Variants in NET1 observed in about 807,000 individuals in gnomAD.
The protein encoded by NET1 is neuroepithelial cell-transforming gene 1 protein.
Under a neutral mutation model 61.1 loss-of-function variants are expected in NET1, and 42 were observed. That is an observed-to-expected ratio of 0.69 (90% CI 0.54 to 0.89). The LOEUF (loss-of-function observed/expected upper bound fraction) is 0.89. NET1 is among the 40% of genes least tolerant of loss of function. The pLI is 0.00. For missense variants in NET1, 654 were observed against 747.3 expected (o/e 0.88, Z 1.46); for synonymous variants, 254 against 281.8 (o/e 0.90, Z 0.99).
At position 5,453,114 on chromosome 10, in the gene NET1, C is replaced by T; in HGVS notation, c.595-136C>T. On this transcript the variant is annotated intron_variant, in intron 6 of 11. Transcript: ENST00000355029. The surrounding 1 kb of genome is among the most constrained non-coding windows in gnomAD (Gnocchi z 4.9). ...AAGAGAGTTTATTTGGGGATTAATACATACTAATTTATTTTATGTGTAGCA... is the reference window on the plus strand; with the variant it reads ...AAGAGAGTTTATTTGGGGATTAATATATACTAATTTATTTTATGTGTAGCA... 2 of 734,354 alleles carry T rather than the reference C, an allele frequency of 2.7e-6. No homozygotes were observed. Among genetic ancestry groups the T allele is most frequent in the South Asian group, 1.7e-5 (1 of 60,276 alleles). The allele number at this position is 734,354 out of a possible 1,614,324, so 45.5% of individuals were successfully genotyped here.
intron 1 of NET1, among the ~76,000 whole-genome samples, chr10:5,414,271 T>G (rs1218889252): frequency 6.6e-6 from 1 of 152,174 alleles, no homozygotes; most frequent in Non-Finnish European, 1.5e-5. Flanking sequence ...TTGACAGAGT[T>G]TGGGTTTTAT....
intron 2 of NET1, among the ~76,000 whole-genome samples, chr10:5,428,038 CT>C (rs57698527): frequency 7.9e-5 from 9 of 113,874 alleles, no homozygotes; most frequent in African/African-American, 2.4e-4. Context: ...TTTGCCGTTC[CT>C]TTTTTTTTTT....
rs760555426 is a variant in NET1, at chr10:5,426,724, G to A, written c.195+3G>A. 2 of 1,598,208 alleles carry A rather than the reference G, an allele frequency of 1.3e-6. No individual in the cohort carries two copies. The highest frequency in any genetic ancestry group is 1.4e-5 in the African/African-American group (1 of 73,926). On this transcript the variant is annotated splice_donor_region_variant and intron_variant, in intron 2 of 11. Transcript: ENST00000355029. The surrounding 1 kb of genome is among the most constrained non-coding windows in gnomAD (Gnocchi z 4.6). ...GCCCCAACTGGGACTTCACTTTGGT[G>A]AGTAGATACCTGGGTTTTTATTTCG...
chr10:5,456,570 TC>T lies in NET1; in HGVS notation c.1385-16del. On this transcript the variant is annotated splice_polypyrimidine_tract_variant and intron_variant, in intron 11 of 11. Coordinates refer to ENST00000355029, the MANE Select transcript of NET1 (RefSeq NM_001047160.3). This position sits in a 1 kb window ranked among gnomAD's most constrained non-coding sequence, Gnocchi z 7.0. ...TTTTTAGCCTGATTTCTTTTTTTTT[TC>T]CAATTTTTTTTTTCAGCTAAAAATA... 1 of 1,514,934 alleles carries T rather than the reference TC, an allele frequency of 6.6e-7. No homozygotes were observed. Among genetic ancestry groups the T allele is most frequent in the East Asian group, 2.3e-5 (1 of 43,686 alleles). 93.8% of individuals were successfully genotyped at this position (1,514,934 alleles called of 1,614,324 possible).
rs1252517025 is a variant in NET1, at chr10:5,439,364, A to T, written c.255+10135A>T. 2.0e-5 allele frequency among the ~76,000 whole-genome samples: 3 copies of T among 152,170 alleles called. No individual in the cohort carries two copies. Among genetic ancestry groups the T allele is most frequent in the Admixed American group, 6.5e-5 (1 of 15,278 alleles). On this transcript the variant is annotated intron_variant, in intron 3 of 11. Coordinates refer to ENST00000355029, the MANE Select transcript of NET1 (RefSeq NM_001047160.3). This position sits in a 1 kb window ranked among gnomAD's most constrained non-coding sequence, Gnocchi z 4.8. ...AATTTTTCTCTTAGTGGTTTTAGAG[A>T]CCTACTCCACCCCTAGATGAAGAGT...
chr10:5,412,675 CA>C lies in NET1; in HGVS notation c.-17del. 6.8e-7 allele frequency: 1 copy of C among 1,462,296 alleles called. No individual in the cohort carries two copies. Among genetic ancestry groups the C allele is most frequent in the Non-Finnish European group, 8.9e-7 (1 of 1,118,684 alleles). The allele number at this position is 1,462,296 out of a possible 1,614,324, so 90.6% of individuals were successfully genotyped here. The stretch of plus-strand genomic sequence containing the variant: ...TCTCCCGGGCACCCGGCCACCGCCC[CA>C]CCCCCTCCTCCGTGCCATGGAGCCC... On this transcript the variant is annotated 5_prime_UTR_variant, in exon 1 of 12. Coordinates refer to ENST00000355029, the MANE Select transcript of NET1 (RefSeq NM_001047160.3). The surrounding 1 kb of genome is among the most constrained non-coding windows in gnomAD (Gnocchi z 6.5).
In NET1 at chr10:5,452,762, A is replaced by C; in HGVS notation, c.532-96A>C. ...AATTTTCAGACTGAGTTACTTTTTA[A>C]AATGCCGTTCAAAACATCAAATAAT... On this transcript the variant is annotated intron_variant, in intron 5 of 11. Transcript: ENST00000355029. The surrounding 1 kb of genome is among the most constrained non-coding windows in gnomAD (Gnocchi z 4.0). 8.4e-7 allele frequency: 1 copy of C among 1,188,446 alleles called. No individual in the cohort carries two copies. The highest frequency in any genetic ancestry group is 1.2e-6 in the Non-Finnish European group (1 of 825,480). 73.6% of individuals were successfully genotyped at this position (1,188,446 alleles called of 1,614,324 possible).
chr10:5,425,919 GT>G (rs2119173846), intron 1 of NET1, among the ~76,000 whole-genome samples: 1 of 152,180 alleles, frequency 6.6e-6, no homozygotes, highest in South Asian at 2.1e-4. Context: ...TGCTAGCTAT[GT>G]TTTTGTAATT....
intron 3 of NET1, among the ~76,000 whole-genome samples, chr10:5,436,212 G>GCATA (rs1235515365): frequency 7.1e-4 from 54 of 75,990 alleles, no homozygotes; most frequent in East Asian, 1.0e-3. Flanking sequence ...GTGTGTGTGT[G>GCATA]TGTGTGTGTG....
Position 5,412,944 on chromosome 10 carries a change from T to G in NET1, c.128+124T>G, listed in dbSNP as rs1588419697. The G allele has an allele frequency of 4.3e-6, 1 of 231,818 alleles. No homozygotes were observed. Among genetic ancestry groups the G allele is most frequent in the Non-Finnish European group, 6.1e-6 (1 of 163,154 alleles). 14.4% of individuals were successfully genotyped at this position (231,818 alleles called of 1,614,324 possible). ...GGGAGGGCTGGCCGGGAGTTGGATGTGGGGGGCGGCGAGTGGGGGTGTTGG... is the reference window on the plus strand; with the variant it reads ...GGGAGGGCTGGCCGGGAGTTGGATGGGGGGGGCGGCGAGTGGGGGTGTTGG... On this transcript the variant is annotated intron_variant, in intron 1 of 11. Transcript: ENST00000355029. The surrounding 1 kb of genome is among the most constrained non-coding windows in gnomAD (Gnocchi z 6.5).
intron 1 of NET1, among the ~76,000 whole-genome samples, chr10:5,419,706 TTTGTTGTTG>T (rs71388430): frequency 0.014 from 2,109 of 151,014 alleles, 57 homozygotes; most frequent in African/African-American, 0.048. Flanking sequence ...TTTTCTTTGT[TTTGTTGTTG>T]TTGTTGTTGT....
chr10:5,431,165 C>T lies in NET1; in HGVS notation c.255+1936C>T, dbSNP rs562116303. 6.6e-6 allele frequency among the ~76,000 whole-genome samples: 1 copy of T among 152,362 alleles called. No homozygotes were observed. The highest frequency in any genetic ancestry group is 2.1e-4 in the South Asian group (1 of 4,828). ...GGATTACAGGCGTGAGCCACCGCGC[C>T]CGGCCTTAACTATATCTCTTAAGTC... On this transcript the variant is annotated intron_variant, in intron 3 of 11. Transcript: ENST00000355029. This position sits in a 1 kb window ranked among gnomAD's most constrained non-coding sequence, Gnocchi z 4.9.
At position 5,415,945 on chromosome 10, in the gene NET1, T is replaced by C. The variant is rs1018886520; in HGVS notation, c.128+3125T>C. On this transcript the variant is annotated intron_variant, in intron 1 of 11. Coordinates refer to ENST00000355029, the MANE Select transcript of NET1 (RefSeq NM_001047160.3). The surrounding 1 kb of genome is among the most constrained non-coding windows in gnomAD (Gnocchi z 4.7). ...TGCTTTTGTTGCCTGTGTTTTGGTG[T>C]CACATCCAAGAAATCACTGCTAAAT... Among the ~76,000 whole-genome samples, 18 of 152,254 alleles carry C rather than the reference T, an allele frequency of 1.2e-4. No homozygotes were observed. Among genetic ancestry groups the C allele is most frequent in the Non-Finnish European group, 1.0e-4 (7 of 68,042 alleles).
rs1388306065 is a variant in NET1 at position 5,447,446 on chromosome 10, CTTTAT to C, written c.256-4383_256-4379del. Among the ~76,000 whole-genome samples, 1 of 152,116 alleles carries C rather than the reference CTTTAT, an allele frequency of 6.6e-6. No individual in the cohort carries two copies. The highest frequency in any genetic ancestry group is 1.5e-5 in the Non-Finnish European group (1 of 68,022). On this transcript the variant is annotated intron_variant, in intron 3 of 11. Coordinates refer to ENST00000355029, the MANE Select transcript of NET1 (RefSeq NM_001047160.3). The surrounding 1 kb of genome is among the most constrained non-coding windows in gnomAD (Gnocchi z 4.1). ...ACATTTATCAATATAAATCAAATTACTTTATGCCATTTTATGTAATCTTGATTTAA... is the reference window on the plus strand; with the variant it reads ...ACATTTATCAATATAAATCAAATTACGCCATTTTATGTAATCTTGATTTAA...
rs2119197672 is a variant in NET1, at chr10:5,441,311, A to T, written c.256-10519A>T. 6.6e-6 allele frequency among the ~76,000 whole-genome samples: 1 copy of T among 152,384 alleles called. No homozygotes were observed. Among genetic ancestry groups the T allele is most frequent in the East Asian group, 1.9e-4 (1 of 5,192 alleles). Reference sequence around the variant, plus strand: ...GCCCAGGGTGGAAGGCAAGAGATACACAGTGCAGCTGAGGCAAGGGACTGT... The same window carrying T: ...GCCCAGGGTGGAAGGCAAGAGATACTCAGTGCAGCTGAGGCAAGGGACTGT... On this transcript the variant is annotated intron_variant, in intron 3 of 11. Coordinates refer to ENST00000355029, the MANE Select transcript of NET1 (RefSeq NM_001047160.3). The surrounding 1 kb of genome is among the most constrained non-coding windows in gnomAD (Gnocchi z 4.6).
Position 5,452,561 on chromosome 10 carries a change from G to A in NET1, c.531+36G>A. On this transcript the variant is annotated intron_variant, in intron 5 of 11. Coordinates refer to ENST00000355029, the MANE Select transcript of NET1 (RefSeq NM_001047160.3). This position sits in a 1 kb window ranked among gnomAD's most constrained non-coding sequence, Gnocchi z 4.0. Reference sequence around the variant, plus strand: ...ACTCAGTGTACATGTTTTCCCAAAAGAACAGCAAATTGATGCCGATGGCAA... The same window carrying A: ...ACTCAGTGTACATGTTTTCCCAAAAAAACAGCAAATTGATGCCGATGGCAA... The A allele has an allele frequency of 6.4e-7, 1 of 1,569,784 alleles. No homozygotes were observed. The highest frequency in any genetic ancestry group is 8.6e-7 in the Non-Finnish European group (1 of 1,156,528).
At chr10:5,428,792 G>A (rs989616790) in intron 2 of NET1, among the ~76,000 whole-genome samples, 6 of 150,502 alleles carry the variant, frequency 4.0e-5, no homozygotes, top group South Asian at 2.1e-4. Flanking sequence ...GCGCAATCTC[G>A]GCTCACTGCA....
chr10:5,454,605 A>G lies in NET1; in HGVS notation c.1026+83A>G. The G allele has an allele frequency of 6.8e-7, 1 of 1,465,536 alleles. No homozygotes were observed. The highest frequency in any genetic ancestry group is 9.2e-7 in the Non-Finnish European group (1 of 1,081,384). 90.8% of individuals were successfully genotyped at this position (1,465,536 alleles called of 1,614,324 possible). A position where few individuals can be genotyped will look rare whatever the true frequency, so the allele number is the denominator to read the frequency against. Reference sequence around the variant, plus strand: ...AGAACGTTATCTTCTGAAGATGCTGATTCACATCAGCATAGTGAATTGTTT... The same window carrying G: ...AGAACGTTATCTTCTGAAGATGCTGGTTCACATCAGCATAGTGAATTGTTT... On this transcript the variant is annotated intron_variant, in intron 9 of 11. Transcript: ENST00000355029. This position sits in a 1 kb window ranked among gnomAD's most constrained non-coding sequence, Gnocchi z 8.1.
chr10:5,419,107 A>G (rs752855243), intron 1 of NET1, among the ~76,000 whole-genome samples: 6 of 152,180 alleles, frequency 3.9e-5, no homozygotes, highest in Non-Finnish European at 7.3e-5. Flanking sequence ...TGATGGATCA[A>G]TCTGTTTATC....
Sources: gnomAD v4.1 joint callset for allele counts (sites outside exome capture counted in the v4.1 genomes callset) on GRCh38, gnomAD v4.1.1 for gene constraint, Gnocchi (gnomAD v3.1) non-coding constraint, MANE v1.5 for transcripts, NCBI Gene and HGNC (gene_info 2026-07-23, HGNC 2026-07-21) for gene names.